The following DLGAP2 variants were observed in gnomAD, a reference collection of about 807,000 sequenced individuals.
DLGAP2 encodes DLG associated protein 2, also known as disks large-associated protein 2.
In DLGAP2, 26 loss-of-function variants were observed where a neutral mutation model predicts 100.3. The observed-to-expected ratio is 0.26, with a 90% confidence interval of 0.19 to 0.36. The LOEUF is 0.36. DLGAP2 is among the 10% of genes least tolerant of loss of function. The pLI is 1.00. For missense variants in DLGAP2, 1,858 were observed against 1,453.2 expected, an observed-to-expected ratio of 1.28 and a Z score of -4.53; for synonymous variants, 886 against 630.1, an observed-to-expected ratio of 1.41 and a Z score of -6.08.
intron 6 of DLGAP2, among the ~76,000 whole-genome samples, chr8:1,617,076 A>G (rs1298511912): frequency 6.6e-6 from 1 of 152,072 alleles, no homozygotes; most frequent in East Asian, 1.9e-4. Context: ...ATTCTTTTTT[A>G]TGGCTGCATA....
At chr8:1,355,406 C>A (rs975804019) in intron 3 of DLGAP2, among the ~76,000 whole-genome samples, 7 of 152,060 alleles carry the variant, frequency 4.6e-5, no homozygotes, top group African/African-American at 1.7e-4. Flanking sequence ...GCTCTGTCAC[C>A]CAGGTTGGAG....
intron 6 of DLGAP2, among the ~76,000 whole-genome samples, chr8:1,614,227 G>GA (rs1453549433): frequency 1.3e-5 from 2 of 152,048 alleles, no homozygotes; most frequent in Admixed American, 6.5e-5. Context: ...TTCACAGGCA[G>GA]AAAAAAAACG....
chr8:1,469,621 G>A (rs887705986), intron 3 of DLGAP2, among the ~76,000 whole-genome samples: 2 of 152,164 alleles, frequency 1.3e-5, no homozygotes, highest in Non-Finnish European at 2.9e-5. Flanking sequence ...CTTGGGCAAC[G>A]TGAAATCACC....
At chr8:1,113,615 T>A (rs1805027228) in intron 2 of DLGAP2, among the ~76,000 whole-genome samples, 1 of 152,212 alleles carries the variant, frequency 6.6e-6, no homozygotes, top group Non-Finnish European at 1.5e-5. Context: ...ACTGGGGTTT[T>A]CTAGATATAG....
intron 3 of DLGAP2, among the ~76,000 whole-genome samples, chr8:1,387,222 G>T (rs1796241064): frequency 6.6e-6 from 1 of 152,226 alleles, no homozygotes; most frequent in Non-Finnish European, 1.5e-5. Context: ...CATGCAGAGG[G>T]TGGAGAGACT....
chr8:1,010,443 C>T (rs143966886), intron 2 of DLGAP2, among the ~76,000 whole-genome samples: 2 of 152,240 alleles, frequency 1.3e-5, no homozygotes, highest in African/African-American at 4.8e-5. Context: ...CACACACATA[C>T]TCATATTCTC....
intron 2 of DLGAP2, among the ~76,000 whole-genome samples, chr8:1,067,221 G>A (rs889890334): frequency 1.3e-5 from 2 of 152,216 alleles, no homozygotes; most frequent in Non-Finnish European, 2.9e-5. Context: ...AGTCCCATCT[G>A]ACCCCCAGTT....
intron 2 of DLGAP2, among the ~76,000 whole-genome samples, chr8:944,357 C>T (rs1242033182): frequency 6.6e-6 from 1 of 151,474 alleles, no homozygotes; most frequent in Admixed American, 6.6e-5. Context: ...TAACTAATCC[C>T]TGTGAGTGAT....
chr8:937,088 G>T (rs1563103200), intron 2 of DLGAP2, among the ~76,000 whole-genome samples: 1 of 152,166 alleles, frequency 6.6e-6, no homozygotes, highest in Non-Finnish European at 1.5e-5. Context: ...CAGACATGTG[G>T]TGCCCTTCAG....
chr8:1,701,519 C>G lies in DLGAP2; in HGVS notation c.*113C>G. 1 of 1,141,434 alleles carries G rather than the reference C, an allele frequency of 8.8e-7. No individual in the cohort carries two copies. Among genetic ancestry groups the G allele is most frequent in the Non-Finnish European group, 1.2e-6 (1 of 829,444 alleles). The allele number at this position is 1,141,434 out of a possible 1,614,324, so 70.7% of individuals were successfully genotyped here. ...CCTCCCGCTGAACACGTCCTCGCTC[C>G]CGCGCTCCCCGCGCCCCGGACACAG... On this transcript the variant is annotated 3_prime_UTR_variant, in exon 15 of 15. Transcript: ENST00000637795.
intron 2 of DLGAP2, among the ~76,000 whole-genome samples, chr8:1,012,956 G>T (rs116603856): frequency 6.6e-6 from 1 of 152,142 alleles, no homozygotes; most frequent in African/African-American, 2.4e-5. Context: ...AACAGAGGGG[G>T]TCCCTGCCAG....
intron 2 of DLGAP2, among the ~76,000 whole-genome samples, chr8:1,106,338 G>C (rs1268592225): frequency 1.3e-5 from 2 of 150,648 alleles, no homozygotes; most frequent in African/African-American, 4.9e-5. Context: ...ATTCCAGTAG[G>C]GTTTTCTATT....
rs386411871 is a variant in DLGAP2, at chr8:1,491,077, C to CAAAAAAAAAAAA, written c.107-10285_107-10274dup. 1.3e-3 allele frequency among the ~76,000 whole-genome samples: 85 copies of CAAAAAAAAAAAA among 64,492 alleles called. 1 individual carries two copies. The highest frequency in any genetic ancestry group is 3.3e-3 in the African/African-American group (77 of 23,064). The allele number at this position is 64,492 out of a possible 152,430, so 42.3% of individuals were successfully genotyped here. Reference sequence around the variant, plus strand: ...AAATAAATAAAAATAAACTGGAAACCAAAAAAAAAAAAAAACCCAAAAATA... The same window carrying CAAAAAAAAAAAA: ...AAATAAATAAAAATAAACTGGAAACCAAAAAAAAAAAAAAAAAAAAAAAAAAACCCAAAAATA... On this transcript the variant is annotated intron_variant, in intron 3 of 14. Transcript: ENST00000637795.
chr8:1,324,558 C>T lies in DLGAP2; in HGVS notation c.106+65675C>T, dbSNP rs373727062. 2.0e-5 allele frequency among the ~76,000 whole-genome samples: 3 copies of T among 152,274 alleles called. No homozygotes were observed. In the East Asian group the frequency reaches 5.8e-4, roughly 29 times the overall value. On this transcript the variant is annotated intron_variant, in intron 3 of 14. Coordinates refer to ENST00000637795, the MANE Select transcript of DLGAP2 (RefSeq NM_001346810.2). ...GCTCAGGATGTAAAACTGTCCAGGA[C>T]ACAGTGTTACATCCATTCTCCATAG... is the stretch of plus-strand genomic sequence containing the variant.
chr8:943,285 A>G (rs1023088540), intron 2 of DLGAP2, among the ~76,000 whole-genome samples: 1 of 149,688 alleles, frequency 6.7e-6, no homozygotes, highest in African/African-American at 2.4e-5. Context: ...CTTTCTGCAC[A>G]GCGTGTCATC....
intron 6 of DLGAP2, among the ~76,000 whole-genome samples, chr8:1,575,447 G>T (rs1161382752): frequency 2.3e-5 from 2 of 87,674 alleles, no homozygotes; most frequent in South Asian, 4.1e-4. Flanking sequence ...TGAGACAGGA[G>T]GATATTCTTT....
intron 1 of DLGAP2, among the ~76,000 whole-genome samples, chr8:757,393 G>A (rs774834627): frequency 6.6e-6 from 1 of 152,208 alleles, no homozygotes; most frequent in African/African-American, 2.4e-5. Flanking sequence ...TTTCCTTCAT[G>A]TGTCGGCCAT....
chr8:816,948 G>A (rs1441382030), intron 1 of DLGAP2, among the ~76,000 whole-genome samples: 1 of 152,126 alleles, frequency 6.6e-6, no homozygotes, highest in Non-Finnish European at 1.5e-5. Context: ...AGACTATCCT[G>A]ACTAACACGG....
chr8:1,641,876 A>C lies in DLGAP2; in HGVS notation c.1810+8830A>C, dbSNP rs374527679. Among the ~76,000 whole-genome samples, 399 of 131,890 alleles carry C rather than the reference A, an allele frequency of 3.0e-3. 11 individuals carry two copies. The highest frequency in any genetic ancestry group is 7.9e-3 in the African/African-American group (274 of 34,660). 86.5% of individuals were successfully genotyped at this position (131,890 alleles called of 152,430 possible). On this transcript the variant is annotated intron_variant, in intron 8 of 14. Coordinates refer to ENST00000637795, the MANE Select transcript of DLGAP2 (RefSeq NM_001346810.2). ...TGAATCTGCCTCCCATACCCCTCGA[A>C]CCCGCCGGTCCTCACCTGTGTCACC...
Sources: gnomAD v4.1 joint callset for allele counts (sites outside exome capture counted in the v4.1 genomes callset) on GRCh38, gnomAD v4.1.1 for gene constraint, MANE v1.5 for transcripts, NCBI Gene and HGNC (gene_info 2026-07-23, HGNC 2026-07-21) for gene names.